HNRNPUL1: variants seen among roughly 807,000 people sequenced by gnomAD.
The protein encoded by HNRNPUL1 is heterogeneous nuclear ribonucleoprotein U-like protein 1.
A neutral mutation model predicts 108.5 loss-of-function variants in HNRNPUL1; 14 were observed. The ratio of observed to expected loss-of-function variants is 0.13; its 90% CI spans 0.09 to 0.20. The LOEUF (loss-of-function observed/expected upper bound fraction) is 0.20, where lower values mean the gene tolerates loss of function less well. Ranked by LOEUF, HNRNPUL1 falls within the 10% of genes least tolerant of loss-of-function variation. The pLI is 1.00. For synonymous variants in HNRNPUL1, 422 were observed against 445.2 expected, an observed-to-expected ratio of 0.95 and a Z score of 0.66; for missense variants, 804 against 1,168.3, an observed-to-expected ratio of 0.69 and a Z score of 4.55.
intron 5 of HNRNPUL1, 77 bp from the exon 6 acceptor site, chr19:41,279,000 T>G: frequency 3.1e-6 from 3 of 963,292 alleles, no homozygotes; most frequent in Non-Finnish European, 5.0e-6. Context: ...ATGCCTGATA[T>G]GCTTCCCTCC....
chr19:41,282,041 A>G (rs893263352), intron 7 of HNRNPUL1, among the ~76,000 whole-genome samples: 7 of 152,250 alleles, frequency 4.6e-5, no homozygotes, highest in African/African-American at 1.7e-4. Context: ...TACTGTTAAC[A>G]TTAGGAGTTA....
intron 1 of HNRNPUL1, chr19:41,265,440 A>G: frequency 7.1e-7 from 1 of 1,402,368 alleles, no homozygotes; most frequent in Non-Finnish European, 9.4e-7. Flanking sequence ...GTGAGCATTT[A>G]GGGGCTGCGG....
chr19:41,281,032 A>T, intron 6 of HNRNPUL1, 131 bp from the exon 7 acceptor site: 1 of 627,232 alleles, frequency 1.6e-6, no homozygotes. Flanking sequence ...CCCCTATTTT[A>T]AAAAGGCATC....
In HNRNPUL1 at chr19:41,294,116, A is replaced by C. The variant is rs981566568; in HGVS notation, c.1267-222A>C. ...GCGTGAGCTACCGTGCCTGGCCAGC[A>C]CTTGACTTAATGCTCACCCTGTCCC... On this transcript the variant is annotated intron_variant, in intron 8 of 14. Coordinates refer to ENST00000392006, the MANE Select transcript of HNRNPUL1 (RefSeq NM_007040.6). This position sits in a 1 kb window ranked among gnomAD's most constrained non-coding sequence, Gnocchi z 4.3. Among the ~76,000 whole-genome samples, 1 of 152,142 alleles carries C rather than the reference A, an allele frequency of 6.6e-6. No homozygotes were observed. Among genetic ancestry groups the C allele is most frequent in the African/African-American group, 2.4e-5 (1 of 41,424 alleles).
intron 1 of HNRNPUL1, among the ~76,000 whole-genome samples, chr19:41,265,797 G>A (rs1463178665): frequency 1.3e-5 from 2 of 152,014 alleles, no homozygotes; most frequent in East Asian, 1.9e-4. Context: ...TATGTGGCGG[G>A]AGACAGAGGA....
chr19:41,288,853 C>A (rs139136280), intron 7 of HNRNPUL1, among the ~76,000 whole-genome samples: 2 of 151,898 alleles, frequency 1.3e-5, no homozygotes, highest in South Asian at 2.1e-4. Flanking sequence ...TTTTTGTAGC[C>A]CCACATATGG....
chr19:41,302,221 T>TTTG (rs1438343723), intron 11 of HNRNPUL1, among the ~76,000 whole-genome samples: 7 of 144,468 alleles, frequency 4.8e-5, no homozygotes, highest in Non-Finnish European at 1.1e-4. Context: ...TCTGTTTTTT[T>TTTG]TTTTTTTTTT....
In HNRNPUL1 at chr19:41,305,434, C is replaced by T. The variant is rs182214978; in HGVS notation, c.2263-242C>T. ...CAAGAAGTGCCGTGTACCTTGCTCC[C>T]TGGGGGTCTCAGAGCTGGGGTTAGA... On this transcript the variant is annotated intron_variant, in intron 13 of 14. Transcript: ENST00000392006. Among the ~76,000 whole-genome samples the T allele has an allele frequency of 2.9e-3, 435 of 152,336 alleles. 5 individuals carry two copies. Among genetic ancestry groups the T allele is most frequent in the African/African-American group, 0.01 (420 of 41,570 alleles).
At chr19:41,305,282 A>G (rs1201100474) in intron 13 of HNRNPUL1, among the ~76,000 whole-genome samples, 1 of 152,210 alleles carries the variant, frequency 6.6e-6, no homozygotes, top group African/African-American at 2.4e-5. Flanking sequence ...TTCCAGTAAC[A>G]ACTACCACCA....
chr19:41,292,317 A>G lies in HNRNPUL1; in HGVS notation c.1072A>G (p.Ile358Val). 1.9e-6 allele frequency: 3 copies of G among 1,614,192 alleles called. No individual in the cohort carries two copies. Among genetic ancestry groups the G allele is most frequent in the Non-Finnish European group, 2.5e-6 (3 of 1,180,026 alleles). The change falls in exon 8 of 15, where the codon ATC (isoleucine) becomes GTC (valine). Residue 358 changes from isoleucine to valine, a missense_variant. Ile to Val is a conservative substitution (Grantham distance 29, BLOSUM62 3). Transcript: ENST00000392006. The surrounding 1 kb of genome is among the most constrained non-coding windows in gnomAD (Gnocchi z 4.1). ...NGKWMGIAFR[I>V]QKEALGGQAL... The stretch of plus-strand genomic sequence containing the variant: ...AAAGTGGATGGGCATTGCTTTCCGA[A>G]TCCAGAAGGAAGCCTTGGGGGGTCA...
intron 1 of HNRNPUL1, chr19:41,265,241 G>A: frequency 1.3e-6 from 2 of 1,526,776 alleles, no homozygotes; most frequent in Non-Finnish European, 1.8e-6. Flanking sequence ...CGTGTTTCCA[G>A]GGTGGGGAAG....
At chr19:41,282,607 G>T (rs1449965839) in intron 7 of HNRNPUL1, among the ~76,000 whole-genome samples, 2 of 152,042 alleles carry the variant, frequency 1.3e-5, no homozygotes, top group African/African-American at 4.8e-5. Flanking sequence ...CATGTTTATG[G>T]TGTACATACA....
rs772322070 is a variant in HNRNPUL1, at chr19:41,264,456, C to T, written c.-48C>T. On this transcript the variant is annotated 5_prime_UTR_variant, in exon 1 of 15. Transcript: ENST00000392006. ...CAGGAAAGGTTTAAGGGGGACAGAG[C>T]CCTGGGAGGCCGGGCCGGGCTCGGG... The T allele has an allele frequency of 8.2e-6, 11 of 1,335,070 alleles. No homozygotes were observed. The South Asian group carries it at 1.7e-4, about 20-fold the overall frequency. 82.7% of individuals were successfully genotyped at this position (1,335,070 alleles called of 1,614,324 possible). A position where few individuals can be genotyped will look rare whatever the true frequency, so the allele number is the denominator to read the frequency against.
chr19:41,279,188 T>C lies in HNRNPUL1; in HGVS notation c.886+12T>C. 1 of 1,574,342 alleles carries C rather than the reference T, an allele frequency of 6.4e-7. No homozygotes were observed. Among genetic ancestry groups the C allele is most frequent in the South Asian group, 1.1e-5 (1 of 90,280 alleles). On this transcript the variant is annotated intron_variant, in intron 6 of 14. Coordinates refer to ENST00000392006, the MANE Select transcript of HNRNPUL1 (RefSeq NM_007040.6). Reference sequence around the variant, plus strand: ...CAGCACCCAGCTAGGTAAGGAGGGGTCAGCTATGCAGTCCAGAGAATAGAG... The same window carrying C: ...CAGCACCCAGCTAGGTAAGGAGGGGCCAGCTATGCAGTCCAGAGAATAGAG...
In HNRNPUL1 at chr19:41,294,302, C is replaced by T; in HGVS notation, c.1267-36C>T. 1.9e-6 allele frequency: 3 copies of T among 1,610,368 alleles called. No individual in the cohort carries two copies. In the African/African-American group the frequency reaches 4.0e-5, roughly 21 times the overall value. On this transcript the variant is annotated intron_variant, in intron 8 of 14. Transcript: ENST00000392006. This position sits in a 1 kb window ranked among gnomAD's most constrained non-coding sequence, Gnocchi z 4.3. ...CACCGAGCCAAGTGGTGCCATACCACCATGCCGCAACACCTTCCCTGTCTT... is the reference window on the plus strand; with the variant it reads ...CACCGAGCCAAGTGGTGCCATACCATCATGCCGCAACACCTTCCCTGTCTT...
At chr19:41,284,551 T>A (rs1324795455) in intron 7 of HNRNPUL1, among the ~76,000 whole-genome samples, 2 of 152,082 alleles carry the variant, frequency 1.3e-5, no homozygotes, top group African/African-American at 2.4e-5. Context: ...ACGCCTGTAG[T>A]CCCAGATAGG....
chr19:41,265,160 A>G, intron 1 of HNRNPUL1: 6 of 1,423,920 alleles, frequency 4.2e-6, no homozygotes, highest in Non-Finnish European at 5.5e-6. Flanking sequence ...GAAAATGGGG[A>G]TCCTAGGGTA....
At chr19:41,277,542 T>G (rs1040603868) in intron 5 of HNRNPUL1, among the ~76,000 whole-genome samples, 4 of 152,236 alleles carry the variant, frequency 2.6e-5, no homozygotes, top group African/African-American at 9.6e-5. Flanking sequence ...GTTTCACTCT[T>G]GTTGTCCAGG....
Position 41,272,115 on chromosome 19 carries a change from C to G in HNRNPUL1, c.452C>G (p.Thr151Ser). Reference sequence around the variant, plus strand: ...ACAGAGATGAAGCAAGGAGCACCCACCAGCTTCCTCCCGCCTGAAGCTTCT... The same window carrying G: ...ACAGAGATGAAGCAAGGAGCACCCAGCAGCTTCCTCCCGCCTGAAGCTTCT... The part of the protein sequence containing the change: ...MKTEMKQGAP[T>S]SFLPPEASQL... The change falls in exon 3 of 15, where the codon ACC becomes AGC. Residue 151 changes from threonine (T) to serine (S), a missense_variant. Around this residue, in one of 4 missense-constraint regions of HNRNPUL1, gnomAD observed 256 missense variants for 261.6 expected, o/e 0.98. Transcript: ENST00000392006. 2.5e-6 allele frequency: 4 copies of G among 1,614,164 alleles called. No homozygotes were observed. The highest frequency in any genetic ancestry group is 3.4e-6 in the Non-Finnish European group (4 of 1,180,014).
Sources: allele counts gnomAD v4.1 joint callset (sites outside exome capture counted in the v4.1 genomes callset), GRCh38; gene constraint gnomAD v4.1.1; regional missense constraint gnomAD v4.1.1; non-coding constraint Gnocchi (gnomAD v3.1); transcripts MANE v1.5; gene names NCBI Gene and HGNC (gene_info 2026-07-23, HGNC 2026-07-21).